Variants in VIT observed in about 807,000 individuals in gnomAD.
VIT encodes the protein vitrin.
Under a neutral mutation model 78.0 loss-of-function variants are expected in VIT, and 99 were observed. The observed-to-expected ratio is 1.27, with a 90% CI of 1.08 to 1.50. The LOEUF (loss-of-function observed/expected upper bound fraction) is 1.50. VIT is among the 40% of genes most tolerant of loss of function. The pLI is 0.00. For synonymous variants in VIT, 374 were observed against 334.3 expected (o/e 1.12, Z -1.29); for missense variants, 1,126 against 875.3 (o/e 1.29, Z -3.61).
intron 12 of VIT, among the ~76,000 whole-genome samples, chr2:36,797,409 G>C (rs1165121640): frequency 6.6e-6 from 1 of 152,198 alleles, no homozygotes; most frequent in Non-Finnish European, 1.5e-5. Flanking sequence ...GGGACGGAAA[G>C]GATGGGAGAA....
Position 36,698,575 on chromosome 2 carries a change from C to T in VIT, c.-19+1602C>T, listed in dbSNP as rs116134587. On this transcript the variant is annotated intron_variant, in intron 1 of 15. Coordinates refer to ENST00000379242, the MANE Select transcript of VIT (RefSeq NM_053276.4). ...GAAATAGCAATGCCTGTACACCCTCCCTCCCAGGGCGGCCACAAGGGTCAA... is the reference window on the plus strand; with the variant it reads ...GAAATAGCAATGCCTGTACACCCTCTCTCCCAGGGCGGCCACAAGGGTCAA... 8.3e-3 allele frequency among the ~76,000 whole-genome samples: 1,263 copies of T among 152,266 alleles called. 21 individuals carry two copies. The highest frequency in any genetic ancestry group is 0.029 in the African/African-American group (1,193 of 41,540).
intron 14 of VIT, among the ~76,000 whole-genome samples, chr2:36,806,735 T>A (rs1037829998): frequency 1.3e-5 from 2 of 152,124 alleles, no homozygotes; most frequent in Non-Finnish European, 2.9e-5. Context: ...TATTTTATTT[T>A]TTTATTTTTA....
Position 36,729,415 on chromosome 2 carries a change from T to C in VIT, c.53-11T>C. The C allele has an allele frequency of 1.9e-6, 3 of 1,589,634 alleles. No individual in the cohort carries two copies. The highest frequency in any genetic ancestry group is 2.4e-5 in the South Asian group (2 of 84,424). ...AAATTGATTAAATTTTTAAAAATTT[T>C]CTTCATGTAGTTTTGCTGGTGACTG... On this transcript the variant is annotated splice_polypyrimidine_tract_variant and intron_variant, in intron 2 of 15. Coordinates refer to ENST00000379242, the MANE Select transcript of VIT (RefSeq NM_053276.4).
intron 10 of VIT, 93 bp downstream of exon 10, chr2:36,781,864 C>A (rs1426853129): frequency 6.8e-7 from 1 of 1,476,424 alleles, no homozygotes. Context: ...GCATAGCGGC[C>A]GAGCTCCACT....
At chr2:36,748,457 G>C (rs1428772277) in intron 4 of VIT, among the ~76,000 whole-genome samples, 3 of 151,938 alleles carry the variant, frequency 2.0e-5, no homozygotes, top group Admixed American at 6.5e-5. Flanking sequence ...CTTTATTTTT[G>C]TCTGACTGCG....
chr2:36,728,371 A>G (rs1467865028), intron 2 of VIT, among the ~76,000 whole-genome samples: 1 of 152,220 alleles, frequency 6.6e-6, no homozygotes, highest in African/African-American at 2.4e-5. Flanking sequence ...CTTATGGAAT[A>G]AGGATATAAG....
At chr2:36,758,945 G>GTTTTTTT in intron 5 of VIT, 24 bp from the exon 6 acceptor site, 1 of 1,393,224 alleles carries the variant, frequency 7.2e-7, no homozygotes, top group African/African-American at 1.5e-5. Context: ...AATAAATCTC[G>GTTTTTTT]TTTTTTTTTT....
chr2:36,810,363 T>C (rs762145569), intron 15 of VIT, among the ~76,000 whole-genome samples: 1 of 152,226 alleles, frequency 6.6e-6, no homozygotes. Context: ...TTTTAAAATA[T>C]GAAAAATGAG....
chr2:36,813,858 C>T lies in VIT; in HGVS notation c.1904-325C>T, dbSNP rs115725391. ...TATCTTCCCCTCTTCTATTCCCAAA[C>T]ATGAAATTCTTACCATGTTATTTAC... On this transcript the variant is annotated intron_variant, in intron 15 of 15. Coordinates refer to ENST00000379242, the MANE Select transcript of VIT (RefSeq NM_053276.4). Among the ~76,000 whole-genome samples the T allele has an allele frequency of 1.8e-3, 281 of 152,306 alleles. 1 individual carries two copies. The highest frequency in any genetic ancestry group is 6.5e-3 in the African/African-American group (269 of 41,572).
At chr2:36,755,173 C>T in intron 5 of VIT, 119 bp downstream of exon 5, 7 of 1,115,184 alleles carry the variant, frequency 6.3e-6, no homozygotes, top group South Asian at 4.6e-5. Context: ...CTGAAGCATT[C>T]GTTTTTCTGA....
intron 13 of VIT, among the ~76,000 whole-genome samples, chr2:36,803,910 G>T (rs757408013): frequency 6.6e-6 from 1 of 152,258 alleles, no homozygotes; most frequent in Admixed American, 6.5e-5. Context: ...AATTTCAAGT[G>T]CCCTGGGGTT....
In VIT at chr2:36,740,050, C is replaced by T. The variant is rs139830270; in HGVS notation, c.119-3050C>T. Among the ~76,000 whole-genome samples the T allele has an allele frequency of 8.7e-3, 1,322 of 152,348 alleles. 12 individuals carry two copies. The highest frequency in any genetic ancestry group is 0.03 in the African/African-American group (1,242 of 41,582). ...CATTTGCCAAATGTCTTCCCGCTCCCTTTAGACCTACAACTGATACTTCTT... is the reference window on the plus strand; with the variant it reads ...CATTTGCCAAATGTCTTCCCGCTCCTTTTAGACCTACAACTGATACTTCTT... On this transcript the variant is annotated intron_variant, in intron 3 of 15. Transcript: ENST00000379242.
intron 3 of VIT, among the ~76,000 whole-genome samples, chr2:36,734,075 G>A (rs772430705): frequency 6.6e-6 from 1 of 152,130 alleles, no homozygotes; most frequent in Non-Finnish European, 1.5e-5. Flanking sequence ...GGGACCTTTC[G>A]TCTCACCCAG....
intron 7 of VIT, among the ~76,000 whole-genome samples, chr2:36,770,972 G>C (rs989869352): frequency 2.6e-5 from 4 of 152,154 alleles, no homozygotes; most frequent in Non-Finnish European, 5.9e-5. Flanking sequence ...ACCGCTAAGC[G>C]GGAGAAAGTG....
chr2:36,808,343 C>T (rs1666881393), intron 14 of VIT, 129 bp from the exon 15 acceptor site: 28 of 1,290,898 alleles, frequency 2.2e-5, no homozygotes, highest in Admixed American at 2.8e-5. Flanking sequence ...TGGAAGAACA[C>T]GGTAGGAGGG....
At chr2:36,706,819 C>A (rs1178939784) in intron 1 of VIT, among the ~76,000 whole-genome samples, 1 of 152,150 alleles carries the variant, frequency 6.6e-6, no homozygotes, top group East Asian at 1.9e-4. Flanking sequence ...TGAAGAGTGG[C>A]ATTTTTATTT....
intron 7 of VIT, among the ~76,000 whole-genome samples, chr2:36,773,561 C>T (rs1367446226): frequency 6.6e-6 from 1 of 151,970 alleles, no homozygotes; most frequent in African/African-American, 2.4e-5. Context: ...GAAACCCCAT[C>T]TCTACTAAAA....
At chr2:36,700,930 G>A (rs925582510) in intron 1 of VIT, among the ~76,000 whole-genome samples, 4 of 152,088 alleles carry the variant, frequency 2.6e-5, no homozygotes, top group Non-Finnish European at 4.4e-5. Flanking sequence ...GTTGTCCGAA[G>A]CCACACAGCT....
chr2:36,809,512 G>A (rs562892817), intron 15 of VIT, among the ~76,000 whole-genome samples: 3 of 152,182 alleles, frequency 2.0e-5, no homozygotes, highest in East Asian at 3.8e-4. Context: ...CTGCCTCCCA[G>A]GTTGAAGCAA....
Sources: gnomAD v4.1 joint callset for allele counts (sites outside exome capture counted in the v4.1 genomes callset) on GRCh38, gnomAD v4.1.1 for gene constraint, MANE v1.5 for transcripts, NCBI Gene and HGNC (gene_info 2026-07-23, HGNC 2026-07-21) for gene names.